Variants in NUP210 observed in about 807,000 individuals in gnomAD.
The protein encoded by NUP210 is nucleoporin 210.
NUP210 carries 151 observed loss-of-function variants against 196.0 expected under a neutral mutation model. The ratio of observed to expected loss-of-function variants is 0.77; its 90% CI spans 0.67 to 0.88. NUP210 has a LOEUF of 0.88. NUP210 is among the 40% of genes least tolerant of loss of function. NUP210 has a pLI of 0.00. For synonymous variants in NUP210, 1,070 were observed against 1,052.7 expected (o/e 1.02, Z -0.32); for missense variants, 2,314 against 2,493.7 (o/e 0.93, Z 1.53).
At position 13,408,769 on chromosome 3, in the gene NUP210, C is replaced by T. The variant is rs1700072805; in HGVS notation, c.168-8908G>A. ...CACCACTGCACTCCAGCCTGAGTGACAGGGAGAGACTCTGTCTCAAAAAAA... is the reference window on the plus strand; with the variant it reads ...CACCACTGCACTCCAGCCTGAGTGATAGGGAGAGACTCTGTCTCAAAAAAA... On this transcript the variant is annotated intron_variant, in intron 1 of 39. Transcript: ENST00000254508. Among the ~76,000 whole-genome samples, 2 of 132,294 alleles carry T rather than the reference C, an allele frequency of 1.5e-5. 1 individual carries two copies. The highest frequency in any genetic ancestry group is 4.5e-4 in the South Asian group (2 of 4,406). The allele number at this position is 132,294 out of a possible 152,430, so 86.8% of individuals were successfully genotyped here. A position where few individuals can be genotyped will look rare whatever the true frequency, so the allele number is the denominator to read the frequency against.
At chr3:13,342,289 G>C (rs916441931) in intron 21 of NUP210, among the ~76,000 whole-genome samples, 166 bp from the exon 22 acceptor site, 3 of 152,142 alleles carry the variant, frequency 2.0e-5, no homozygotes, top group Non-Finnish European at 4.4e-5. Context: ...GTCAGCAAAT[G>C]AAAATCGATG....
chr3:13,352,034 C>T (rs773555311), intron 19 of NUP210, 46 bp downstream of exon 19: 1 of 1,603,012 alleles, frequency 6.2e-7, no homozygotes, highest in Non-Finnish European at 8.5e-7. Flanking sequence ...GGCGAGGAGT[C>T]CCCCCGTGGG....
intron 27 of NUP210, among the ~76,000 whole-genome samples, 191 bp from the exon 28 acceptor site, chr3:13,335,803 C>T (rs974997861): frequency 1.3e-5 from 2 of 152,246 alleles, no homozygotes; most frequent in African/African-American, 4.8e-5. Context: ...CCGGCTTCCC[C>T]AGCATGGGTG....
intron 6 of NUP210, among the ~76,000 whole-genome samples, chr3:13,385,423 A>G (rs1209799000): frequency 6.6e-6 from 1 of 152,240 alleles, no homozygotes; most frequent in Non-Finnish European, 1.5e-5. Context: ...GAACAAAATG[A>G]TAATGATCCT....
chr3:13,360,606 C>CTGTTTGAAACT (rs1299717368), intron 14 of NUP210, 115 bp from the exon 15 acceptor site: 28 of 706,960 alleles, frequency 4.0e-5, no homozygotes, highest in African/African-American at 3.9e-4. Flanking sequence ...TCAGGCAAGC[C>CTGTTTGAAACT]CCATCTCCTG....
chr3:13,395,264 G>C (rs757542795), intron 3 of NUP210, among the ~76,000 whole-genome samples: 2 of 152,190 alleles, frequency 1.3e-5, no homozygotes, highest in Non-Finnish European at 2.9e-5. Context: ...TGACTTAAAG[G>C]GGGTTTAACT....
intron 13 of NUP210, among the ~76,000 whole-genome samples, chr3:13,367,606 C>T (rs1041740675): frequency 1.3e-5 from 2 of 152,036 alleles, no homozygotes; most frequent in Non-Finnish European, 2.9e-5. Context: ...AAAGGAAAAC[C>T]GCCCCCCTGG....
At chr3:13,328,622 TGCATGGTGCA>T in intron 31 of NUP210, 139 bp downstream of exon 31, 1 of 743,626 alleles carries the variant, frequency 1.3e-6, no homozygotes, top group Non-Finnish European at 2.3e-6. Context: ...CTCGTGGCCC[TGCATGGTGCA>T]GCATGCCCAC....
rs142223790 is a variant in NUP210 at position 13,316,402 on chromosome 3, G to A, written c.*1279C>T. The A allele has an allele frequency of 6.6e-6, 1 of 152,386 alleles. No individual in the cohort carries two copies. The highest frequency in any genetic ancestry group is 1.5e-5 in the Non-Finnish European group (1 of 68,058). The allele number at this position is 152,386 out of a possible 1,614,324, so 9.4% of individuals were successfully genotyped here. On this transcript the variant is annotated 3_prime_UTR_variant, in exon 40 of 40. Coordinates refer to ENST00000254508, the MANE Select transcript of NUP210 (RefSeq NM_024923.4). ...CCCTGAAGGACTGAAGGGAGCTTGT[G>A]CGGGATCCCGTCATCCTGGACTCTC...
intron 8 of NUP210, among the ~76,000 whole-genome samples, chr3:13,378,625 C>T (rs985664127): frequency 6.6e-6 from 1 of 152,150 alleles, no homozygotes; most frequent in African/African-American, 2.4e-5. Flanking sequence ...CAGGTCTGGG[C>T]AAAGCCGTGG....
chr3:13,369,486 T>A (rs556877383), intron 13 of NUP210, among the ~76,000 whole-genome samples: 31 of 152,290 alleles, frequency 2.0e-4, no homozygotes, highest in African/African-American at 6.5e-4. Flanking sequence ...TAAAAAAAAA[T>A]GCCAAATTCC....
intron 25 of NUP210, 114 bp downstream of exon 25, chr3:13,339,740 G>C: frequency 1.0e-6 from 1 of 959,718 alleles, no homozygotes; most frequent in South Asian, 1.5e-5. Flanking sequence ...GCAGACCCAG[G>C]GGGCAGAAGC....
At chr3:13,352,924 G>C (rs928651218) in intron 18 of NUP210, among the ~76,000 whole-genome samples, 6 of 152,070 alleles carry the variant, frequency 3.9e-5, no homozygotes, top group African/African-American at 1.4e-4. Flanking sequence ...CTCAGCTATG[G>C]GGGGTGGGGG....
At chr3:13,389,707 C>T (rs1012935014) in intron 4 of NUP210, among the ~76,000 whole-genome samples, 2 of 152,190 alleles carry the variant, frequency 1.3e-5, no homozygotes, top group Non-Finnish European at 2.9e-5. Flanking sequence ...GAGGAACCAC[C>T]ACATCCCCAA....
rs1271995033 is a variant in NUP210, at chr3:13,317,762, G to A, written c.5583C>T (p.Pro1861=). Reference sequence around the variant, plus strand: ...CAGGAGGCAATGCATTGGGAGATGTGGGTGATGAGGCAGCGAAATCTAGGG... The same window carrying A: ...CAGGAGGCAATGCATTGGGAGATGTAGGTGATGAGGCAGCGAAATCTAGGG... ...HSPHYFAASS[P]TSPNALPPAR... is the part of the protein sequence containing the mutation. The change falls in exon 40 of 40, where the codon CCC becomes CCT. Residue 1861 remains proline (P), a synonymous_variant. Transcript: ENST00000254508. 16 of 1,610,752 alleles carry A rather than the reference G, an allele frequency of 9.9e-6. No individual in the cohort carries two copies. The highest frequency in any genetic ancestry group is 1.3e-5 in the African/African-American group (1 of 75,022).
chr3:13,365,295 C>T (rs964256941), intron 14 of NUP210, among the ~76,000 whole-genome samples: 7 of 152,198 alleles, frequency 4.6e-5, no homozygotes, highest in Non-Finnish European at 2.9e-5. Flanking sequence ...ATCCTCATCA[C>T]GACCCCATGA....
intron 1 of NUP210, among the ~76,000 whole-genome samples, chr3:13,412,247 T>TTTTTTTTTTTTCTTA (rs1553605356): frequency 7.4e-6 from 1 of 135,646 alleles, no homozygotes; most frequent in African/African-American, 3.3e-5. Context: ...TTTTTTTTTT[T>TTTTTTTTTTTTCTTA]AGTAGAGACA....
chr3:13,366,233 A>T lies in NUP210; in HGVS notation c.1787-142T>A. On this transcript the variant is annotated intron_variant, in intron 13 of 39. Coordinates refer to ENST00000254508, the MANE Select transcript of NUP210 (RefSeq NM_024923.4). ...GACCTCCGCCTCCGGGGTTCAAGTGATTCTCCTGCCTCAGCCTCCCAGATA... is the reference window on the plus strand; with the variant it reads ...GACCTCCGCCTCCGGGGTTCAAGTGTTTCTCCTGCCTCAGCCTCCCAGATA... 5.4e-6 allele frequency: 4 copies of T among 743,686 alleles called. No homozygotes were observed. The South Asian group carries it at 7.7e-5, about 14-fold the overall frequency. The allele number at this position is 743,686 out of a possible 1,614,324, so 46.1% of individuals were successfully genotyped here.
At chr3:13,387,801 G>A (rs1035592400) in intron 5 of NUP210, among the ~76,000 whole-genome samples, 6 of 152,180 alleles carry the variant, frequency 3.9e-5, no homozygotes, top group South Asian at 2.1e-4. Context: ...AGAATGGGAT[G>A]CTGGTGAGGC....
Sources: allele counts gnomAD v4.1 joint callset (sites outside exome capture counted in the v4.1 genomes callset), GRCh38; gene constraint gnomAD v4.1.1; transcripts MANE v1.5; gene names NCBI Gene and HGNC (gene_info 2026-07-23, HGNC 2026-07-21).